Variants in IL21 observed in about 807,000 individuals in gnomAD.
The protein encoded by IL21 is interleukin-21.
In IL21, 3 loss-of-function variants were observed where a neutral mutation model predicts 18.4. The observed-to-expected ratio is 0.16, with a 90% CI of 0.07 to 0.42. IL21 has a LOEUF of 0.42. Ranked by LOEUF, IL21 falls within the 10% of genes least tolerant of loss-of-function variation. The probability of loss-of-function intolerance (pLI) is 0.99; values close to 1 mark genes in which losing one functional copy is unlikely to be tolerated. For missense variants in IL21, 130 were observed against 188.4 expected (o/e 0.69, Z 1.81); for synonymous variants, 37 against 62.0 (o/e 0.60, Z 1.90).
In IL21 at chr4:122,612,431, C is replaced by G. The variant is rs1578434544; in HGVS notation, c.*279G>C. Reference sequence around the variant, plus strand: ...AATATAAAATCAATAGATGTCAAAACTGTATTTTTGGTTAAAAATTTTAGC... The same window carrying G: ...AATATAAAATCAATAGATGTCAAAAGTGTATTTTTGGTTAAAAATTTTAGC... On this transcript the variant is annotated 3_prime_UTR_variant, in exon 5 of 5. Transcript: ENST00000648588. Among the ~76,000 whole-genome samples, 2 of 152,150 alleles carry G rather than the reference C, an allele frequency of 1.3e-5. No homozygotes were observed. The highest frequency in any genetic ancestry group is 4.1e-4 in the South Asian group (2 of 4,824).
intron 2 of IL21, among the ~76,000 whole-genome samples, chr4:122,616,398 C>A (rs1273308140): frequency 1.3e-5 from 2 of 152,172 alleles, no homozygotes; most frequent in Non-Finnish European, 2.9e-5. Flanking sequence ...TAAAGCCCCT[C>A]CTTTGGAGAA....
At position 122,612,727 on chromosome 4, in the gene IL21, C is replaced by T. The variant is rs779942410; in HGVS notation, c.472G>A (p.Gly158Arg). 23 of 1,611,786 alleles carry T rather than the reference C, an allele frequency of 1.4e-5. No individual in the cohort carries two copies. Among genetic ancestry groups the T allele is most frequent in the South Asian group, 1.2e-4 (11 of 91,016 alleles). ...IHQHLSSRTH[G>R]SEDS Reference sequence around the variant, plus strand: ...TTAGATCCTCAGGAATCTTCACTTCCGTGTGTTCTAGAGGACAGATGCTGA... The same window carrying T: ...TTAGATCCTCAGGAATCTTCACTTCTGTGTGTTCTAGAGGACAGATGCTGA... Residue 158 changes from glycine to arginine, a missense_variant, in exon 5 of 5, where the codon GGA becomes AGA. Gly to Arg is a moderately radical substitution (Grantham distance 125). Transcript: ENST00000648588.
chr4:122,614,704 T>G (rs1799313224), intron 3 of IL21, among the ~76,000 whole-genome samples: 1 of 151,860 alleles, frequency 6.6e-6, no homozygotes, highest in African/African-American at 2.4e-5. Flanking sequence ...AGACTCTGTC[T>G]CAAAAAAAAA....
chr4:122,619,908 T>G (rs2150689115), intron 2 of IL21: 1 of 152,328 alleles, frequency 6.6e-6, no homozygotes, highest in African/African-American at 2.4e-5. Flanking sequence ...TTATTCTAAT[T>G]TATGCAATTA....
At position 122,615,673 on chromosome 4, in the gene IL21, C is replaced by A; in HGVS notation, c.360+9G>T. Reference sequence around the variant, plus strand: ...TACAAATAAGAGAGATGACAAATGACAATCTTACTAGTCTGTGTTTCTGTC... The same window carrying A: ...TACAAATAAGAGAGATGACAAATGAAAATCTTACTAGTCTGTGTTTCTGTC... On this transcript the variant is annotated intron_variant, in intron 3 of 4. Coordinates refer to ENST00000648588, the MANE Select transcript of IL21 (RefSeq NM_021803.4). 1.2e-6 allele frequency: 2 copies of A among 1,607,588 alleles called. No individual in the cohort carries two copies. The highest frequency in any genetic ancestry group is 1.7e-6 in the Non-Finnish European group (2 of 1,177,638).
chr4:122,611,827 A>G lies in IL21; in HGVS notation c.*883T>C, dbSNP rs2150684375. ...GAAGGAAGAAAAGAAACGAAAGAAG[A>G]AAGAAGGAGACAAATATTTGGAGTT... On this transcript the variant is annotated 3_prime_UTR_variant, in exon 5 of 5. Coordinates refer to ENST00000648588, the MANE Select transcript of IL21 (RefSeq NM_021803.4). Among the ~76,000 whole-genome samples the G allele has an allele frequency of 6.6e-6, 1 of 152,310 alleles. No individual in the cohort carries two copies. Among genetic ancestry groups the G allele is most frequent in the South Asian group, 2.1e-4 (1 of 4,830 alleles).
In IL21 at chr4:122,621,020, A is replaced by T; in HGVS notation, c.-9T>A. Reference sequence around the variant, plus strand: ...CCAGGACTGGATCTCATAAGTACCAACAGTAGAGCTAGACCTTGGTCTCGT... The same window carrying T: ...CCAGGACTGGATCTCATAAGTACCATCAGTAGAGCTAGACCTTGGTCTCGT... On this transcript the variant is annotated 5_prime_UTR_variant, in exon 1 of 5. It adds an upstream start codon to the 5' untranslated region. Transcript: ENST00000648588. The T allele has an allele frequency of 6.2e-7, 1 of 1,612,850 alleles. No individual in the cohort carries two copies. The highest frequency in any genetic ancestry group is 2.2e-5 in the East Asian group (1 of 44,866).
chr4:122,612,633 C>G lies in IL21; in HGVS notation c.*77G>C. The G allele has an allele frequency of 9.4e-7, 1 of 1,067,182 alleles. No individual in the cohort carries two copies. 66.1% of individuals were successfully genotyped at this position (1,067,182 alleles called of 1,614,324 possible). On this transcript the variant is annotated 3_prime_UTR_variant, in exon 5 of 5. Coordinates refer to ENST00000648588, the MANE Select transcript of IL21 (RefSeq NM_021803.4). ...CCCATCGCTAATATATTGTACTCCT[C>G]CACTTGGAATACAAAGAAATGACTT... is the stretch of plus-strand genomic sequence containing the variant.
At chr4:122,613,899 G>A (rs999647083) in intron 3 of IL21, among the ~76,000 whole-genome samples, 1 of 152,100 alleles carries the variant, frequency 6.6e-6, no homozygotes, top group Non-Finnish European at 1.5e-5. Context: ...GTTTTAACTC[G>A]CATTTATGTG....
In IL21 at chr4:122,610,701, G is replaced by A. The variant is rs1247847949; in HGVS notation, c.*2009C>T. On this transcript the variant is annotated 3_prime_UTR_variant, in exon 5 of 5. Transcript: ENST00000648588. ...TATTTCATAGTCAACAAAATTTCAC[G>A]TCTCCTGTATTACTGTCCATAGATG... is the stretch of plus-strand genomic sequence containing the variant. 1.9e-4 allele frequency among the ~76,000 whole-genome samples: 29 copies of A among 152,146 alleles called. No individual in the cohort carries two copies. Among genetic ancestry groups the A allele is most frequent in the Non-Finnish European group, 4.4e-5 (3 of 68,024 alleles).
At chr4:122,612,799 T>G in intron 4 of IL21, 39 bp from the exon 5 acceptor site, 1 of 1,613,130 alleles carries the variant, frequency 6.2e-7, no homozygotes, top group Non-Finnish European at 8.5e-7. Flanking sequence ...AAGAAGCAAA[T>G]CTGGATAGGT....
In IL21 at chr4:122,612,514, G is replaced by T; in HGVS notation, c.*196C>A. ...GCAGTGAGATAAAGTAAAAACTTCAGAAGTCATAGAAATCAATAACATAGG... is the reference window on the plus strand; with the variant it reads ...GCAGTGAGATAAAGTAAAAACTTCATAAGTCATAGAAATCAATAACATAGG... On this transcript the variant is annotated 3_prime_UTR_variant, in exon 5 of 5. Coordinates refer to ENST00000648588, the MANE Select transcript of IL21 (RefSeq NM_021803.4). 1 of 440,250 alleles carries T rather than the reference G, an allele frequency of 2.3e-6. No homozygotes were observed. The highest frequency in any genetic ancestry group is 4.0e-6 in the Non-Finnish European group (1 of 250,988). 27.3% of individuals were successfully genotyped at this position (440,250 alleles called of 1,614,324 possible).
intron 2 of IL21, chr4:122,619,522 C>G (rs1296916538): frequency 6.6e-6 from 1 of 152,202 alleles, no homozygotes; most frequent in Non-Finnish European, 1.5e-5. Context: ...TCTTATTTTG[C>G]AAGTTATAGA....
rs75392577 is a variant in IL21, at chr4:122,619,307, G to A, written c.204+1394C>T. On this transcript the variant is annotated intron_variant, in intron 2 of 4. Transcript: ENST00000648588. Reference sequence around the variant, plus strand: ...TCTTTCTTCCTGAGTTTGCCTACTAGTATAGCTTAAAGATCCAAGTTACAC... The same window carrying A: ...TCTTTCTTCCTGAGTTTGCCTACTAATATAGCTTAAAGATCCAAGTTACAC... The A allele has an allele frequency of 1.6e-3, 250 of 152,254 alleles. 1 individual carries two copies. Among genetic ancestry groups the A allele is most frequent in the African/African-American group, 5.3e-3 (219 of 41,544 alleles). The allele number at this position is 152,254 out of a possible 1,614,324, so 9.4% of individuals were successfully genotyped here.
chr4:122,616,066 T>C (rs17879545), intron 2 of IL21, among the ~76,000 whole-genome samples: 3,323 of 152,316 alleles, frequency 0.022, 57 homozygotes, highest in Non-Finnish European at 0.036. Context: ...CACAATGCTT[T>C]ATTCCTGATG....
chr4:122,615,499 G>T lies in IL21; in HGVS notation c.360+183C>A, dbSNP rs570656106. On this transcript the variant is annotated intron_variant, in intron 3 of 4. Coordinates refer to ENST00000648588, the MANE Select transcript of IL21 (RefSeq NM_021803.4). Reference sequence around the variant, plus strand: ...GCAGAGATCACGCCACTGCACTCCAGCCTGGGTGACAGAGTGAGACTCTGT... The same window carrying T: ...GCAGAGATCACGCCACTGCACTCCATCCTGGGTGACAGAGTGAGACTCTGT... Among the ~76,000 whole-genome samples, 5 of 149,204 alleles carry T rather than the reference G, an allele frequency of 3.4e-5. No homozygotes were observed. In the East Asian group the frequency reaches 5.9e-4, roughly 18 times the overall value.
intron 2 of IL21, among the ~76,000 whole-genome samples, chr4:122,617,671 C>T (rs1799354791): frequency 6.6e-6 from 1 of 152,230 alleles, no homozygotes; most frequent in Non-Finnish European, 1.5e-5. Flanking sequence ...TACCTGGACA[C>T]TGACGCCCAT....
chr4:122,617,792 T>C (rs1298920753), intron 2 of IL21, among the ~76,000 whole-genome samples: 1 of 152,218 alleles, frequency 6.6e-6, no homozygotes, highest in Non-Finnish European at 1.5e-5. Context: ...TCTGGCAATA[T>C]GTGGTCCAGG....
At chr4:122,613,621 G>C (rs1047361481) in intron 3 of IL21, among the ~76,000 whole-genome samples, 12 of 151,948 alleles carry the variant, frequency 7.9e-5, no homozygotes, top group African/African-American at 2.4e-4. Context: ...CAAAGTGCTG[G>C]GAATACAGGC....
Sources: gnomAD v4.1 joint callset for allele counts (sites outside exome capture counted in the v4.1 genomes callset) on GRCh38, gnomAD v4.1.1 for gene constraint, MANE v1.5 for transcripts, NCBI Gene and HGNC (gene_info 2026-07-23, HGNC 2026-07-21) for gene names.